AGK: variants seen among roughly 807,000 people sequenced by gnomAD.
The protein encoded by AGK is acylglycerol kinase, mitochondrial.
AGK carries 52 observed loss-of-function variants against 66.4 expected under a neutral mutation model. The observed-to-expected ratio is 0.78, with a 90% CI of 0.63 to 0.99. AGK has a LOEUF of 0.99. Ranked by LOEUF, AGK falls within the 50% of genes least tolerant of loss-of-function variation. The pLI is 0.00. For synonymous variants in AGK, 182 were observed against 181.1 expected, an observed-to-expected ratio of 1.00 and a Z score of -0.04; for missense variants, 451 against 506.6, an observed-to-expected ratio of 0.89 and a Z score of 1.05.
intron 9 of AGK, among the ~76,000 whole-genome samples, chr7:141,627,508 C>A (rs1796964814): frequency 6.6e-6 from 1 of 152,160 alleles, no homozygotes; most frequent in African/African-American, 2.4e-5. Flanking sequence ...CTGTTAGTTA[C>A]ATAGAGCTTG....
chr7:141,596,003 A>C (rs1325525162), intron 3 of AGK, among the ~76,000 whole-genome samples: 2 of 152,224 alleles, frequency 1.3e-5, no homozygotes, highest in East Asian at 3.8e-4. Context: ...AAAATGTCAA[A>C]TAAAAGGTGC....
Position 141,653,229 on chromosome 7 carries a change from C to T in AGK, c.*305C>T, listed in dbSNP as rs1220720669. On this transcript the variant is annotated 3_prime_UTR_variant, in exon 16 of 16. Coordinates refer to ENST00000649286, the MANE Select transcript of AGK (RefSeq NM_018238.4). ...TCTGTTTTCTTCCAAAGTGCAACCA[C>T]AGTGGAGAGCCCACGGTGGGCTTAG... 2 of 297,644 alleles carry T rather than the reference C, an allele frequency of 6.7e-6. No homozygotes were observed. Among genetic ancestry groups the T allele is most frequent in the African/African-American group, 2.1e-5 (1 of 47,070 alleles). 18.4% of individuals were successfully genotyped at this position (297,644 alleles called of 1,614,324 possible). A position where few individuals can be genotyped will look rare whatever the true frequency, so the allele number is the denominator to read the frequency against.
chr7:141,593,058 T>C, intron 2 of AGK, 88 bp from the exon 3 acceptor site: 4 of 1,111,266 alleles, frequency 3.6e-6, no homozygotes, highest in Non-Finnish European at 5.3e-6. Context: ...AAGAGGTGCC[T>C]ATATTAAAAA....
chr7:141,609,764 C>A (rs940700697), intron 5 of AGK, among the ~76,000 whole-genome samples: 1 of 152,142 alleles, frequency 6.6e-6, no homozygotes, highest in Non-Finnish European at 1.5e-5. Flanking sequence ...TTCTGGTGAC[C>A]AGCTCCCATC....
intron 10 of AGK, 103 bp downstream of exon 10, chr7:141,634,083 G>A (rs1424381623): frequency 6.8e-6 from 7 of 1,029,620 alleles, no homozygotes; most frequent in Non-Finnish European, 1.1e-5. Context: ...AATAAATTTG[G>A]TGGGCCTGGA....
chr7:141,581,840 G>A (rs1013524217), intron 2 of AGK, among the ~76,000 whole-genome samples: 1 of 151,916 alleles, frequency 6.6e-6, no homozygotes, highest in South Asian at 2.1e-4. Flanking sequence ...TAAAAAGAGT[G>A]CATAAAAGAA....
intron 9 of AGK, among the ~76,000 whole-genome samples, chr7:141,623,819 G>T (rs1796878689): frequency 6.6e-6 from 1 of 152,142 alleles, no homozygotes; most frequent in South Asian, 2.1e-4. Context: ...GCTAGAGACG[G>T]GAAGTCAATG....
At chr7:141,563,537 A>T (rs1207644549) in intron 2 of AGK, among the ~76,000 whole-genome samples, 4 of 152,172 alleles carry the variant, frequency 2.6e-5, no homozygotes, top group African/African-American at 9.7e-5. Context: ...GTCCATGTGG[A>T]TGACCTACCT....
intron 2 of AGK, among the ~76,000 whole-genome samples, chr7:141,586,087 A>G (rs1795988643): frequency 6.6e-6 from 1 of 152,024 alleles, no homozygotes; most frequent in South Asian, 2.1e-4. Flanking sequence ...GAATTTTCTG[A>G]TGACCACACT....
At chr7:141,606,646 T>C (rs935147037) in intron 5 of AGK, among the ~76,000 whole-genome samples, 2 of 152,218 alleles carry the variant, frequency 1.3e-5, no homozygotes, top group African/African-American at 4.8e-5. Context: ...TATTCATGCA[T>C]TATTATTAAC....
chr7:141,566,047 G>A (rs963259897), intron 2 of AGK, among the ~76,000 whole-genome samples: 3 of 152,230 alleles, frequency 2.0e-5, no homozygotes, highest in African/African-American at 7.2e-5. Context: ...CTTCGGAAGT[G>A]ACATGTTCTT....
At chr7:141,575,654 CTTTTTTTTTT>C (rs58292692) in intron 2 of AGK, among the ~76,000 whole-genome samples, 2 of 58,242 alleles carry the variant, frequency 3.4e-5, no homozygotes, top group East Asian at 4.9e-4. Context: ...TTACAAAGGC[CTTTTTTTTTT>C]TTTTTTTTTT....
At chr7:141,587,794 G>C (rs541795449) in intron 2 of AGK, among the ~76,000 whole-genome samples, 2 of 152,240 alleles carry the variant, frequency 1.3e-5, no homozygotes, top group South Asian at 4.1e-4. Context: ...AATTGTCATC[G>C]TTCCCTACTA....
At chr7:141,597,962 C>T (rs1351940596) in intron 4 of AGK, among the ~76,000 whole-genome samples, 2 of 145,318 alleles carry the variant, frequency 1.4e-5, no homozygotes, top group African/African-American at 5.1e-5. Context: ...AAATTGGATT[C>T]TATAAGATCT....
At chr7:141,583,891 G>A (rs188233615) in intron 2 of AGK, among the ~76,000 whole-genome samples, 11 of 152,030 alleles carry the variant, frequency 7.2e-5, no homozygotes, top group East Asian at 3.9e-4. Flanking sequence ...AAAAGAGGCC[G>A]CTTACCTGAT....
chr7:141,605,037 G>A (rs1214761836), intron 5 of AGK, among the ~76,000 whole-genome samples: 3 of 151,484 alleles, frequency 2.0e-5, no homozygotes, highest in African/African-American at 2.4e-5. Flanking sequence ...TTCAGATTAT[G>A]TAGTTTAGTG....
At chr7:141,622,236 A>G (rs760462625) in intron 9 of AGK, among the ~76,000 whole-genome samples, 3 of 152,026 alleles carry the variant, frequency 2.0e-5, no homozygotes, top group Non-Finnish European at 2.9e-5. Context: ...AATTACAGGC[A>G]CCCACCTCCA....
chr7:141,608,619 G>T (rs1796512891), intron 5 of AGK, among the ~76,000 whole-genome samples: 1 of 152,154 alleles, frequency 6.6e-6, no homozygotes, highest in Admixed American at 6.5e-5. Context: ...CCTAAGAAAA[G>T]GCTGAAGGGG....
intron 2 of AGK, among the ~76,000 whole-genome samples, chr7:141,563,520 C>A (rs1188104595): frequency 7.2e-5 from 11 of 152,212 alleles, no homozygotes; most frequent in Admixed American, 6.5e-4. Flanking sequence ...TCCCGGACAC[C>A]CTGAGTGTCC....
Sources: allele counts gnomAD v4.1 joint callset (sites outside exome capture counted in the v4.1 genomes callset), GRCh38; gene constraint gnomAD v4.1.1; transcripts MANE v1.5; gene names NCBI Gene and HGNC (gene_info 2026-07-23, HGNC 2026-07-21).